The following P2RY11 variants were observed in gnomAD, a reference collection of about 807,000 sequenced individuals.
P2RY11 encodes the protein purinergic receptor P2Y11.
A neutral mutation model predicts 2.4 loss-of-function variants in P2RY11; 3 were observed. The ratio of observed to expected loss-of-function variants is 1.22; its 90% CI spans 0.56 to 3.17. P2RY11 has a LOEUF of 3.17. P2RY11 is among the 30% of genes most tolerant of loss of function. The pLI, the probability that P2RY11 is intolerant of heterozygous loss-of-function variation, is 0.03. For missense variants in P2RY11, 670 were observed against 528.2 expected (o/e 1.27, Z -2.63); for synonymous variants, 307 against 237.3 (o/e 1.29, Z -2.70).
At chr19:10,113,298 AGCCGGCAG>A in intron 1 of P2RY11, among the ~76,000 whole-genome samples, 1 of 152,032 alleles carries the variant, frequency 6.6e-6, no homozygotes, top group Non-Finnish European at 1.5e-5. Context: ...TCTGAAGTGG[AGCCGGCAG>A]GCCTTGCTGG....
Position 10,114,479 on chromosome 19 carries a change from C to T in P2RY11, c.866C>T (p.Ala289Val). ...CGCTGCCCGAGCTTTGCAGACATAG[C>T]CCAGGCCACAGCAGCCCTGGAGCTG... ...STRCPSFADI[A>V]QATAALELGP... is the part of the protein sequence containing the mutation. Residue 289 changes from alanine to valine, a missense_variant, in exon 2 of 2, where the codon GCC (alanine) becomes GTC (valine). Coordinates refer to ENST00000321826, the MANE Select transcript of P2RY11 (RefSeq NM_002566.5). 1 of 1,611,858 alleles carries T rather than the reference C, an allele frequency of 6.2e-7. No homozygotes were observed. Among genetic ancestry groups the T allele is most frequent in the Non-Finnish European group, 8.5e-7 (1 of 1,179,418 alleles).
rs373008042 is a variant in P2RY11 at position 10,114,852 on chromosome 19, C to T, written c.*114C>T. The T allele has an allele frequency of 1.6e-3, 2,353 of 1,478,294 alleles. 2 individuals are homozygous for T. Among genetic ancestry groups the T allele is most frequent in the Non-Finnish European group, 2.0e-3 (2,248 of 1,113,662 alleles). The allele number at this position is 1,478,294 out of a possible 1,614,324, so 91.6% of individuals were successfully genotyped here. On this transcript the variant is annotated 3_prime_UTR_variant, in exon 2 of 2. Coordinates refer to ENST00000321826, the MANE Select transcript of P2RY11 (RefSeq NM_002566.5). ...AAAAAGCAACACCTGTGCTTGCAGC[C>T]AGGTCAGGCCCAGCTGCAGCCCAGG...
At position 10,114,212 on chromosome 19, in the gene P2RY11, C is replaced by T. The variant is rs776636114; in HGVS notation, c.599C>T (p.Ala200Val). 44 of 1,600,032 alleles carry T rather than the reference C, an allele frequency of 2.7e-5. No individual in the cohort carries two copies. Among genetic ancestry groups the T allele is most frequent in the Middle Eastern group, 1.7e-4 (1 of 6,052 alleles). Residue 200 changes from alanine to valine, a missense_variant, in exon 2 of 2, where the codon GCG becomes GTG. Transcript: ENST00000321826. ...KCLGTADHGL[A>V]AYRAYSLVLA... Reference sequence around the variant, plus strand: ...CTGGGGACAGCAGACCACGGGCTGGCGGCCTACAGAGCGTATAGCCTGGTG... The same window carrying T: ...CTGGGGACAGCAGACCACGGGCTGGTGGCCTACAGAGCGTATAGCCTGGTG...
In P2RY11 at chr19:10,114,735, A is replaced by C; in HGVS notation, c.1122A>C (p.Gln374His). The C allele has an allele frequency of 1.2e-6, 2 of 1,602,004 alleles. No individual in the cohort carries two copies. Among genetic ancestry groups the C allele is most frequent in the South Asian group, 2.2e-5 (2 of 90,134 alleles). The change falls in exon 2 of 2, where the codon CAA becomes CAC. Residue 374 changes from glutamine to histidine, a missense_variant. Gln to His is a conservative substitution (Grantham distance 24, BLOSUM62 0). Coordinates refer to ENST00000321826, the MANE Select transcript of P2RY11 (RefSeq NM_002566.5). ...PSEPQSRELS[Q>H] is the part of the protein sequence containing the mutation. ...AGCCCCAGTCCCGTGAGCTGAGCCA[A>C]TGATGTGGCCTAGCGGAAGCTGCCT... is the stretch of plus-strand genomic sequence containing the variant.
rs751088162 is a variant in P2RY11, at chr19:10,114,156, C to G, written c.543C>G (p.Ser181Arg). The part of the protein sequence containing the change: ...KRPQQGAGNC[S>R]VARPEACIKC... Reference sequence around the variant, plus strand: ...CGCAGCAGGGGGCGGGCAACTGCAGCGTGGCCAGGCCCGAGGCCTGCATCA... The same window carrying G: ...CGCAGCAGGGGGCGGGCAACTGCAGGGTGGCCAGGCCCGAGGCCTGCATCA... Residue 181 changes from serine to arginine, a missense_variant, in exon 2 of 2, where the codon AGC becomes AGG. Physicochemically the swap from Ser to Arg is moderately radical, Grantham distance 110. Transcript: ENST00000321826. The G allele has an allele frequency of 1.9e-6, 3 of 1,600,910 alleles. No homozygotes were observed. The highest frequency in any genetic ancestry group is 2.5e-6 in the Non-Finnish European group (3 of 1,179,568).
At position 10,114,796 on chromosome 19, in the gene P2RY11, AG is replaced by A; in HGVS notation, c.*61del. 2 of 1,543,596 alleles carry A rather than the reference AG, an allele frequency of 1.3e-6. No homozygotes were observed. Among genetic ancestry groups the A allele is most frequent in the Non-Finnish European group, 1.7e-6 (2 of 1,145,656 alleles). On this transcript the variant is annotated 3_prime_UTR_variant, in exon 2 of 2. Coordinates refer to ENST00000321826, the MANE Select transcript of P2RY11 (RefSeq NM_002566.5). ...GGTGTTGCTGGAGAACCCTGAGGGCAGGGCCCGAGCCCCGACACATCCCTTC... is the reference window on the plus strand; with the variant it reads ...GGTGTTGCTGGAGAACCCTGAGGGCAGGCCCGAGCCCCGACACATCCCTTC...
intron 1 of P2RY11, 104 bp downstream of exon 1, chr19:10,111,844 G>A (rs2089090948): frequency 1.1e-5 from 15 of 1,358,326 alleles, no homozygotes; most frequent in Non-Finnish European, 1.5e-5. Context: ...GGGCACGGTG[G>A]CTCACGCCTG....
Position 10,114,983 on chromosome 19 carries a change from G to T in P2RY11, c.*245G>T. ...GGGGAGGCACTGGCCCCCGCCACAG[G>T]ACTGGAGACGCAAGAACAAAAAGAA... On this transcript the variant is annotated 3_prime_UTR_variant, in exon 2 of 2. Coordinates refer to ENST00000321826, the MANE Select transcript of P2RY11 (RefSeq NM_002566.5). 6.8e-7 allele frequency: 1 copy of T among 1,477,548 alleles called. No homozygotes were observed. Among genetic ancestry groups the T allele is most frequent in the Non-Finnish European group, 9.3e-7 (1 of 1,077,296 alleles). The allele number at this position is 1,477,548 out of a possible 1,614,324, so 91.5% of individuals were successfully genotyped here. A position where few individuals can be genotyped will look rare whatever the true frequency, so the allele number is the denominator to read the frequency against.
chr19:10,114,223 G>A lies in P2RY11; in HGVS notation c.610G>A (p.Ala204Thr), dbSNP rs1480558415. The change falls in exon 2 of 2, where the codon GCG becomes ACG. Residue 204 changes from alanine to threonine, a missense_variant. Transcript: ENST00000321826. The stretch of plus-strand genomic sequence containing the variant: ...AGACCACGGGCTGGCGGCCTACAGA[G>A]CGTATAGCCTGGTGCTGGCGGGGTT... Reference protein sequence around the residue: ...TADHGLAAYRAYSLVLAGLGC... With the variant: ...TADHGLAAYRTYSLVLAGLGC... 7 of 1,599,710 alleles carry A rather than the reference G, an allele frequency of 4.4e-6. No homozygotes were observed. In the African/African-American group the frequency reaches 9.3e-5, roughly 21 times the overall value.
chr19:10,114,818 C>T lies in P2RY11; in HGVS notation c.*80C>T. Reference sequence around the variant, plus strand: ...GGCAGGGCCCGAGCCCCGACACATCCCTTCCCCCAAAAAGCAACACCTGTG... The same window carrying T: ...GGCAGGGCCCGAGCCCCGACACATCTCTTCCCCCAAAAAGCAACACCTGTG... On this transcript the variant is annotated 3_prime_UTR_variant, in exon 2 of 2. Coordinates refer to ENST00000321826, the MANE Select transcript of P2RY11 (RefSeq NM_002566.5). 6.6e-7 allele frequency: 1 copy of T among 1,522,440 alleles called. No individual in the cohort carries two copies. The highest frequency in any genetic ancestry group is 8.8e-7 in the Non-Finnish European group (1 of 1,138,348). 94.3% of individuals were successfully genotyped at this position (1,522,440 alleles called of 1,614,324 possible). A position where few individuals can be genotyped will look rare whatever the true frequency, so the allele number is the denominator to read the frequency against.
Position 10,113,932 on chromosome 19 carries a change from TTCC to T in P2RY11, c.322_324del (p.Leu108del). 6.2e-7 allele frequency: 1 copy of T among 1,603,312 alleles called. No homozygotes were observed. Among genetic ancestry groups the T allele is most frequent in the Non-Finnish European group, 8.5e-7 (1 of 1,179,870 alleles). ...GGAGGCCGCGTGCCGCCTGGAGCGCTTCCTCTTCACCTGCAACCTGCTGGGCAG... is the reference window on the plus strand; with the variant it reads ...GGAGGCCGCGTGCCGCCTGGAGCGCTTCTTCACCTGCAACCTGCTGGGCAG... On this transcript the variant is annotated inframe_deletion, in exon 2 of 2. Transcript: ENST00000321826.
At chr19:10,113,179 C>T (rs1005077847) in intron 1 of P2RY11, among the ~76,000 whole-genome samples, 23 of 152,266 alleles carry the variant, frequency 1.5e-4, no homozygotes, top group Admixed American at 6.5e-4. Flanking sequence ...CTCCAGCGCT[C>T]GCGGGTGCTC....
chr19:10,113,883 T>G lies in P2RY11; in HGVS notation c.270T>G (p.Tyr90Ter). ...LTLPPLAAYL[Y>*]PPKHWRYGEA... is the part of the protein sequence containing the mutation. ...TGCCCCCGCTGGCCGCCTACCTCTATCCCCCCAAGCACTGGCGCTATGGGG... is the reference window on the plus strand; with the variant it reads ...TGCCCCCGCTGGCCGCCTACCTCTAGCCCCCCAAGCACTGGCGCTATGGGG... The change falls in exon 2 of 2, where the codon TAT becomes TAG. Residue 90 changes from tyrosine (Y) to a stop codon, truncating the protein, a stop_gained. Coordinates refer to ENST00000321826, the MANE Select transcript of P2RY11 (RefSeq NM_002566.5). LOFTEE classifies it low-confidence loss of function (END_TRUNC). 2 of 1,609,204 alleles carry G rather than the reference T, an allele frequency of 1.2e-6. No individual in the cohort carries two copies. Among genetic ancestry groups the G allele is most frequent in the South Asian group, 2.2e-5 (2 of 91,056 alleles).
In P2RY11 at chr19:10,114,992, C is replaced by G. The variant is rs866376195; in HGVS notation, c.*254C>G. The G allele has an allele frequency of 4.6e-6, 7 of 1,506,542 alleles. No individual in the cohort carries two copies. The South Asian group carries it at 8.3e-5, about 18-fold the overall frequency. The allele number at this position is 1,506,542 out of a possible 1,614,324, so 93.3% of individuals were successfully genotyped here. A position where few individuals can be genotyped will look rare whatever the true frequency, so the allele number is the denominator to read the frequency against. ...CTGGCCCCCGCCACAGGACTGGAGA[C>G]GCAAGAACAAAAAGAACCAAGTAGA... On this transcript the variant is annotated 3_prime_UTR_variant, in exon 2 of 2. Transcript: ENST00000321826.
chr19:10,113,287 A>T (rs1483576611), intron 1 of P2RY11, among the ~76,000 whole-genome samples: 2 of 152,168 alleles, frequency 1.3e-5, no homozygotes, highest in African/African-American at 4.8e-5. Flanking sequence ...GACGGCACAG[A>T]TCTGAAGTGG....
Position 10,114,108 on chromosome 19 carries a change from C to T in P2RY11, c.495C>T (p.Leu165=). 1.2e-6 allele frequency: 2 copies of T among 1,600,960 alleles called. No individual in the cohort carries two copies. Among genetic ancestry groups the T allele is most frequent in the Non-Finnish European group, 1.7e-6 (2 of 1,179,640 alleles). ...VLAALLAMPT[L]SFSHLKRPQQ... is the part of the protein sequence containing the mutation. ...CCGCCCTGCTGGCCATGCCCACACT[C>T]AGCTTCTCCCACCTGAAGAGGCCGC... is the stretch of plus-strand genomic sequence containing the variant. Residue 165 remains leucine, a synonymous_variant, in exon 2 of 2, where the codon CTC becomes CTT. Coordinates refer to ENST00000321826, the MANE Select transcript of P2RY11 (RefSeq NM_002566.5).
chr19:10,113,128 G>A (rs1229113044), intron 1 of P2RY11, among the ~76,000 whole-genome samples: 1 of 152,182 alleles, frequency 6.6e-6, no homozygotes, highest in Non-Finnish European at 1.5e-5. Context: ...GCAACTCCCT[G>A]GCCAAGTGTG....
intron 1 of P2RY11, 125 bp downstream of exon 1, chr19:10,111,865 A>G (rs2089092087): frequency 1.7e-6 from 2 of 1,148,974 alleles, no homozygotes; most frequent in African/African-American, 1.5e-5. Flanking sequence ...TAATCCCAGC[A>G]CTTTGGGAGG....
Position 10,114,889 on chromosome 19 carries a change from G to C in P2RY11, c.*151G>C. 7.0e-7 allele frequency: 1 copy of C among 1,418,856 alleles called. No individual in the cohort carries two copies. Among genetic ancestry groups the C allele is most frequent in the Non-Finnish European group, 9.4e-7 (1 of 1,062,112 alleles). 87.9% of individuals were successfully genotyped at this position (1,418,856 alleles called of 1,614,324 possible). ...AGCTGCAGCCCAGGCAGGAGCAGTC[G>C]CCTTTCCCACCCACAGCGCTGGCCA... On this transcript the variant is annotated 3_prime_UTR_variant, in exon 2 of 2. Coordinates refer to ENST00000321826, the MANE Select transcript of P2RY11 (RefSeq NM_002566.5).
Sources: allele counts gnomAD v4.1 joint callset (sites outside exome capture counted in the v4.1 genomes callset), GRCh38; gene constraint gnomAD v4.1.1; transcripts MANE v1.5; gene names NCBI Gene and HGNC (gene_info 2026-07-23, HGNC 2026-07-21).